Variants in BORA observed in about 807,000 individuals in gnomAD.
The protein encoded by BORA is BORA aurora kinase A activator, also known as protein aurora borealis.
BORA carries 26 observed loss-of-function variants against 55.8 expected under a neutral mutation model. That is an observed-to-expected ratio of 0.47 (90% CI 0.34 to 0.65). The LOEUF (loss-of-function observed/expected upper bound fraction) is 0.65, where lower values mean the gene tolerates loss of function less well. Ranked by LOEUF, BORA falls within the 30% of genes least tolerant of loss-of-function variation. The pLI is 0.01. For missense variants in BORA, 568 were observed against 671.5 expected (o/e 0.85, Z 1.70); for synonymous variants, 201 against 216.9 (o/e 0.93, Z 0.64).
chr13:72,747,059 T>C lies in BORA; in HGVS notation c.1430T>C (p.Met477Thr), dbSNP rs767424701. ...AFSIENSHMC[M>T]SPLAESSVIP... ...AGTATTGAAAACTCTCATATGTGCA[T>C]GTCACCTCTTGCTGAAAGCAGTGTC... is the stretch of plus-strand genomic sequence containing the variant. The change falls in exon 10 of 12, where the codon ATG (methionine) becomes ACG (threonine). Residue 477 changes from methionine (M) to threonine (T), a missense_variant. By Grantham distance (81) the Met-to-Thr change is moderately conservative. Transcript: ENST00000390667. The C allele has an allele frequency of 1.2e-6, 2 of 1,613,916 alleles. No homozygotes were observed. Among genetic ancestry groups the C allele is most frequent in the African/African-American group, 1.3e-5 (1 of 74,904 alleles).
intron 3 of BORA, among the ~76,000 whole-genome samples, chr13:72,734,522 C>A (rs1201971392): frequency 6.6e-6 from 1 of 152,154 alleles, no homozygotes; most frequent in Non-Finnish European, 1.5e-5. Context: ...GAACTATCCT[C>A]ATCTATTTTA....
At position 72,748,936 on chromosome 13, in the gene BORA, C is replaced by G. The variant is rs1441737359; in HGVS notation, c.1482+1825C>G. Among the ~76,000 whole-genome samples, 3 of 152,160 alleles carry G rather than the reference C, an allele frequency of 2.0e-5. No individual in the cohort carries two copies. The East Asian group carries it at 5.8e-4, about 29-fold the overall frequency. On this transcript the variant is annotated intron_variant, in intron 10 of 11. Coordinates refer to ENST00000390667, the MANE Select transcript of BORA (RefSeq NM_024808.5). Reference sequence around the variant, plus strand: ...CAGGGCTATTCCATTCATTTTTTAACTTCTCTTACTATTACAACCTCTTCC... The same window carrying G: ...CAGGGCTATTCCATTCATTTTTTAAGTTCTCTTACTATTACAACCTCTTCC...
At chr13:72,731,235 CT>C (rs760732592) in intron 2 of BORA, 45 bp from the exon 3 acceptor site, 144 of 1,117,974 alleles carry the variant, frequency 1.3e-4, no homozygotes, top group Middle Eastern at 8.0e-4. Context: ...TTTTGATGAA[CT>C]ATTTTAGTTT....
Position 72,737,961 on chromosome 13 carries a change from GT to G in BORA, c.311del (p.Phe104SerfsTer30). ...EDKRQKAIEE[F>X]FTKDVIVPSP... The stretch of plus-strand genomic sequence containing the variant: ...TAATTGTATGACTTTAATTTTCCTA[GT>G]TTTTCACTAAAGATGTCATCGTACC... On this transcript the variant is annotated frameshift_variant and splice_region_variant, in exon 5 of 12. Transcript: ENST00000390667. LOFTEE classifies it high-confidence loss of function. The G allele has an allele frequency of 6.4e-7, 1 of 1,572,968 alleles. No homozygotes were observed. The highest frequency in any genetic ancestry group is 8.7e-7 in the Non-Finnish European group (1 of 1,155,844).
intron 1 of BORA, 93 bp downstream of exon 1, chr13:72,728,100 T>G: frequency 6.7e-7 from 1 of 1,496,656 alleles, no homozygotes; most frequent in Non-Finnish European, 9.1e-7. Context: ...CGCTCGCCCC[T>G]GGTGAATGGG....
chr13:72,734,938 T>C (rs765064551), intron 3 of BORA, 22 bp from the exon 4 acceptor site: 1 of 1,510,258 alleles, frequency 6.6e-7, no homozygotes, highest in South Asian at 1.2e-5. Context: ...CATGGTTATT[T>C]TTCTTCTTTA....
At chr13:72,740,199 T>C (rs548426999) in intron 5 of BORA, among the ~76,000 whole-genome samples, 1 of 152,278 alleles carries the variant, frequency 6.6e-6, no homozygotes, top group South Asian at 2.1e-4. Context: ...ATTATAAGAA[T>C]TCACTGCACT....
chr13:72,732,385 AC>A (rs2032837379), intron 3 of BORA, among the ~76,000 whole-genome samples: 1 of 152,118 alleles, frequency 6.6e-6, no homozygotes, highest in African/African-American at 2.4e-5. Context: ...TTTAAATAAT[AC>A]CTTTGAGGCC....
At chr13:72,731,455 ATG>A in intron 3 of BORA, 68 bp downstream of exon 3, 2 of 1,182,348 alleles carry the variant, frequency 1.7e-6, no homozygotes, top group Middle Eastern at 2.5e-4. Flanking sequence ...GAAATTCTAA[ATG>A]TTGAGTATTT....
rs183857137 is a variant in BORA, at chr13:72,742,046, C to T, written c.389-1491C>T. Among the ~76,000 whole-genome samples the T allele has an allele frequency of 4.5e-4, 68 of 152,250 alleles. 1 individual carries two copies. Among genetic ancestry groups the T allele is most frequent in the Middle Eastern group, 3.4e-3 (1 of 294 alleles). On this transcript the variant is annotated intron_variant, in intron 5 of 11. Transcript: ENST00000390667. ...TTTTAGGCAGAGAGAGTATTGATTA[C>T]ATCTGCCTTATAGAAGGTCACTCTG... is the stretch of plus-strand genomic sequence containing the variant.
At chr13:72,747,318 AC>A (rs1279684450) in intron 10 of BORA, among the ~76,000 whole-genome samples, 5 of 152,224 alleles carry the variant, frequency 3.3e-5, no homozygotes, top group Admixed American at 2.0e-4. Context: ...ATTCACATTA[AC>A]TGATATTTGT....
chr13:72,742,765 TATACACACAC>T (rs771158131), intron 5 of BORA, among the ~76,000 whole-genome samples: 713 of 53,988 alleles, frequency 0.013, 1 homozygote, highest in South Asian at 0.038. Context: ...TATATATATA[TATACACACAC>T]ACACACACAC....
chr13:72,743,764 CCCAGG>C (rs2033085119), intron 6 of BORA, among the ~76,000 whole-genome samples, 162 bp downstream of exon 6: 1 of 151,322 alleles, frequency 6.6e-6, no homozygotes, highest in Admixed American at 6.6e-5. Flanking sequence ...CACTCTGTCA[CCCAGG>C]CTGGAGTGCA....
rs1217791732 is a variant in BORA at position 72,735,105 on chromosome 13, A to G, written c.306+100A>G. On this transcript the variant is annotated intron_variant, in intron 4 of 11. Coordinates refer to ENST00000390667, the MANE Select transcript of BORA (RefSeq NM_024808.5). Reference sequence around the variant, plus strand: ...CTTTCTTCAATTCCTTCACTGTCCTATCTCCCCTCCAAGCCCTTCACAGTC... The same window carrying G: ...CTTTCTTCAATTCCTTCACTGTCCTGTCTCCCCTCCAAGCCCTTCACAGTC... 2.0e-5 allele frequency: 19 copies of G among 928,776 alleles called. No individual in the cohort carries two copies. The African/African-American group carries it at 3.0e-4, about 14-fold the overall frequency. 57.5% of individuals were successfully genotyped at this position (928,776 alleles called of 1,614,324 possible). A position where few individuals can be genotyped will look rare whatever the true frequency, so the allele number is the denominator to read the frequency against.
At position 72,755,219 on chromosome 13, in the gene BORA, T is replaced by C. The variant is rs141608339; in HGVS notation, c.*3T>C. On this transcript the variant is annotated 3_prime_UTR_variant, in exon 12 of 12. Transcript: ENST00000390667. Reference sequence around the variant, plus strand: ...CTTTTCAATGCAGCAGTCCATAGAATGCCTCTGTCAGAATCAAAGACTAAG... The same window carrying C: ...CTTTTCAATGCAGCAGTCCATAGAACGCCTCTGTCAGAATCAAAGACTAAG... The C allele has an allele frequency of 6.4e-5, 103 of 1,608,428 alleles. No individual in the cohort carries two copies. The East Asian group carries it at 2.2e-3, about 35-fold the overall frequency.
At chr13:72,740,317 C>A (rs2138066007) in intron 5 of BORA, among the ~76,000 whole-genome samples, 1 of 152,150 alleles carries the variant, frequency 6.6e-6, no homozygotes, top group East Asian at 1.9e-4. Flanking sequence ...TTTATCTCTG[C>A]CCCCAGAAGC....
chr13:72,736,481 T>C (rs2032930498), intron 4 of BORA, among the ~76,000 whole-genome samples: 2 of 152,178 alleles, frequency 1.3e-5, no homozygotes, highest in African/African-American at 4.8e-5. Flanking sequence ...CATACTATTA[T>C]CGTTCTCATA....
chr13:72,734,559 GC>G (rs1422706584), intron 3 of BORA, among the ~76,000 whole-genome samples: 1 of 152,092 alleles, frequency 6.6e-6, no homozygotes, highest in African/African-American at 2.4e-5. Context: ...TAAAATTATT[GC>G]CATGATAAAC....
chr13:72,730,888 T>TAAAAAAAAAAA (rs372986974), intron 2 of BORA, among the ~76,000 whole-genome samples: 1 of 49,004 alleles, frequency 2.0e-5, no homozygotes, highest in Non-Finnish European at 4.8e-5. Context: ...CCATCTCTAC[T>TAAAAAAAAAAA]AAAAAAAAAA....
Sources: gnomAD v4.1 joint callset for allele counts (sites outside exome capture counted in the v4.1 genomes callset) on GRCh38, gnomAD v4.1.1 for gene constraint, MANE v1.5 for transcripts, NCBI Gene and HGNC (gene_info 2026-07-23, HGNC 2026-07-21) for gene names.